STK3: variants seen among roughly 807,000 people sequenced by gnomAD.
The protein encoded by STK3 is serine/threonine kinase 3.
A neutral mutation model predicts 58.0 loss-of-function variants in STK3; 41 were observed. That is an observed-to-expected ratio of 0.71 (90% confidence interval 0.55 to 0.92). The LOEUF is 0.92. STK3 is among the 40% of genes least tolerant of loss of function. The probability of loss-of-function intolerance (pLI) is 0.00; values close to 1 mark genes in which losing one functional copy is unlikely to be tolerated. For missense variants in STK3, 479 were observed against 602.7 expected (o/e 0.79, Z 2.15); for synonymous variants, 170 against 191.0 (o/e 0.89, Z 0.91).
At chr8:98,630,806 GGAA>G (rs564343980) in intron 6 of STK3, among the ~76,000 whole-genome samples, 81 of 146,666 alleles carry the variant, frequency 5.5e-4, no homozygotes, top group South Asian at 3.8e-3. Flanking sequence ...AAGAGGAAGA[GGAA>G]GAAGAAGAAG....
At chr8:98,510,384 C>A (rs1406278987) in intron 10 of STK3, among the ~76,000 whole-genome samples, 1 of 151,892 alleles carries the variant, frequency 6.6e-6, no homozygotes, top group Non-Finnish European at 1.5e-5. Context: ...AAATTTTTAC[C>A]AGGCCAAACA....
chr8:98,645,627 CAG>C (rs1318391026), intron 6 of STK3, among the ~76,000 whole-genome samples: 8 of 152,072 alleles, frequency 5.3e-5, no homozygotes, highest in African/African-American at 1.4e-4. Context: ...TACTTTATGA[CAG>C]AGTGTGTGAT....
At chr8:98,768,705 A>G (rs1831100128) in intron 2 of STK3, among the ~76,000 whole-genome samples, 1 of 152,266 alleles carries the variant, frequency 6.6e-6, no homozygotes, top group Non-Finnish European at 1.5e-5. Context: ...ACGAAAGAGA[A>G]GCTGCAATCC....
intron 10 of STK3, among the ~76,000 whole-genome samples, chr8:98,511,701 TGAACACA>T (rs1824529264): frequency 6.6e-6 from 1 of 152,126 alleles, no homozygotes; most frequent in Non-Finnish European, 1.5e-5. Context: ...ATTATCAATC[TGAACACA>T]GAACACAGAA....
chr8:98,482,426 T>TA (rs1347480274), intron 10 of STK3, among the ~76,000 whole-genome samples: 2 of 152,118 alleles, frequency 1.3e-5, no homozygotes, highest in Non-Finnish European at 2.9e-5. Context: ...TACGTAAAGA[T>TA]AAAAAATACA....
chr8:98,893,486 GAGAA>G (rs570277403), intron 1 of STK3, among the ~76,000 whole-genome samples: 2,417 of 42,650 alleles, frequency 0.057, 136 homozygotes, highest in Admixed American at 0.076. Context: ...AAGAAAGAAA[GAGAA>G]AGAAAGAAAG....
intron 6 of STK3, among the ~76,000 whole-genome samples, chr8:98,682,434 T>C (rs1233485538): frequency 6.6e-6 from 1 of 152,154 alleles, no homozygotes; most frequent in African/African-American, 2.4e-5. Context: ...AGCATTCCAA[T>C]TAAAATGGTG....
chr8:98,471,668 T>C (rs1314944552), intron 10 of STK3, among the ~76,000 whole-genome samples: 1 of 152,136 alleles, frequency 6.6e-6, no homozygotes, highest in Non-Finnish European at 1.5e-5. Flanking sequence ...CACTTTCATA[T>C]CACCAAAAAA....
At chr8:98,803,992 TAAC>T (rs1426109204) in intron 1 of STK3, among the ~76,000 whole-genome samples, 2 of 152,126 alleles carry the variant, frequency 1.3e-5, no homozygotes, top group Non-Finnish European at 2.9e-5. Flanking sequence ...TGCTGACACT[TAAC>T]AAGCATTTTC....
chr8:98,773,889 C>T (rs530126393), intron 2 of STK3, among the ~76,000 whole-genome samples: 2 of 152,022 alleles, frequency 1.3e-5, no homozygotes, highest in South Asian at 2.1e-4. Flanking sequence ...CTTCACCTTC[C>T]GGGTTCAAGC....
intron 4 of STK3, among the ~76,000 whole-genome samples, chr8:98,726,181 A>G (rs1235345337): frequency 6.6e-6 from 1 of 152,234 alleles, no homozygotes; most frequent in Non-Finnish European, 1.5e-5. Flanking sequence ...ACGAAAGGGA[A>G]GTAGAACTGG....
chr8:98,595,373 G>A (rs1042590597), intron 7 of STK3: 1 of 149,738 alleles, frequency 6.7e-6, no homozygotes, highest in Non-Finnish European at 1.5e-5. Context: ...CTTTTTACAA[G>A]AACCATGTTT....
intron 6 of STK3, among the ~76,000 whole-genome samples, chr8:98,604,572 A>G (rs941926655): frequency 1.2e-4 from 19 of 152,192 alleles, no homozygotes; most frequent in African/African-American, 4.3e-4. Flanking sequence ...GGTTCTCATG[A>G]AAGCTACAGC....
At chr8:98,557,763 GCT>G (rs1305246590) in intron 8 of STK3, among the ~76,000 whole-genome samples, 1 of 152,076 alleles carries the variant, frequency 6.6e-6, no homozygotes. Context: ...TTATACAGCT[GCT>G]GTCTTTGACA....
intron 3 of STK3, among the ~76,000 whole-genome samples, chr8:98,749,727 T>A (rs1829855164): frequency 6.6e-6 from 1 of 152,102 alleles, no homozygotes; most frequent in Non-Finnish European, 1.5e-5. Context: ...TTTAAATATG[T>A]CTTCTAAAGG....
chr8:98,516,799 G>A (rs1034696158), intron 10 of STK3, among the ~76,000 whole-genome samples: 6 of 152,018 alleles, frequency 3.9e-5, no homozygotes, highest in African/African-American at 1.4e-4. Flanking sequence ...GAACTCGCTA[G>A]TCGTTCCACT....
downstream of STK3, among the ~76,000 whole-genome samples, chr8:98,368,326 A>G (rs78635586): frequency 7.9e-5 from 12 of 152,320 alleles, no homozygotes; most frequent in East Asian, 1.9e-3. Context: ...CTTCTCGCTG[A>G]AACAGTCTCT....
chr8:98,426,603 G>A (rs4075986), intron 3 of STK3, among the ~76,000 whole-genome samples: 82,222 of 151,744 alleles, frequency 0.54, 23,131 homozygotes, highest in Non-Finnish European at 0.63. Context: ...CCCACCCCCG[G>A]GCTTCGGGAA....
intron 5 of STK3, among the ~76,000 whole-genome samples, chr8:98,706,938 T>G (rs1223868568): frequency 6.6e-6 from 1 of 152,184 alleles, no homozygotes; most frequent in Non-Finnish European, 1.5e-5. Flanking sequence ...ATTTAAGCAT[T>G]TTGATTATAA....
Sources: allele counts gnomAD v4.1 joint callset (sites outside exome capture counted in the v4.1 genomes callset), GRCh38; gene constraint gnomAD v4.1.1; transcripts MANE v1.5; gene names NCBI Gene and HGNC (gene_info 2026-07-23, HGNC 2026-07-21).